CSMD2: variants seen among roughly 807,000 people sequenced by gnomAD.
The protein encoded by CSMD2 is CUB and Sushi multiple domains 2, also known as CUB and sushi domain-containing protein 2.
CSMD2 carries 130 observed loss-of-function variants against 398.5 expected under a neutral mutation model. The observed-to-expected ratio is 0.33, with a 90% CI of 0.28 to 0.38. CSMD2 has a LOEUF of 0.38. CSMD2 is among the 10% of genes least tolerant of loss of function. The probability of loss-of-function intolerance (pLI) is 1.00; values close to 1 mark genes in which losing one functional copy is unlikely to be tolerated. For missense variants in CSMD2, 3,829 were observed against 4,764.9 expected (o/e 0.80, Z 5.78); for synonymous variants, 1,828 against 1,908.5 (o/e 0.96, Z 1.10).
chr1:33,836,648 A>G (rs951155534), intron 6 of CSMD2, among the ~76,000 whole-genome samples: 2 of 152,136 alleles, frequency 1.3e-5, no homozygotes, highest in Non-Finnish European at 2.9e-5. Context: ...CCGTGGGTGT[A>G]GGACCCTCTG....
chr1:34,129,142 T>G (rs1663066233), intron 1 of CSMD2, among the ~76,000 whole-genome samples: 1 of 151,990 alleles, frequency 6.6e-6, no homozygotes, highest in Non-Finnish European at 1.5e-5. Context: ...CTCCCTCCAC[T>G]AGGGTATCAG....
In CSMD2 at chr1:33,716,299, G is replaced by A. The variant is rs1158577088; in HGVS notation, c.3204C>T (p.Asn1068=). 1.2e-6 allele frequency: 2 copies of A among 1,613,920 alleles called. No individual in the cohort carries two copies. Among genetic ancestry groups the A allele is most frequent in the Admixed American group, 3.3e-5 (2 of 60,026 alleles). The change falls in exon 20 of 71, where the codon AAC becomes AAT. Residue 1068 remains asparagine, a synonymous_variant. Transcript: ENST00000373381. The part of the protein sequence containing the change: ...SDFSMSYEGF[N]ITFSEYDLEP... ...CATACTCTTTACCTGAGAAGGTGAT[G>A]TTGAATCCTTCATATGACATGGAGA...
intron 11 of CSMD2, among the ~76,000 whole-genome samples, chr1:33,791,265 C>G (rs1475017480): frequency 6.6e-6 from 1 of 152,228 alleles, no homozygotes; most frequent in Non-Finnish European, 1.5e-5. Context: ...TCAACCTTCT[C>G]TGAAACCTTT....
rs1654479166 is a variant in CSMD2 at position 33,523,351 on chromosome 1, A to G, written c.10465T>C (p.Phe3489Leu). The change falls in exon 67 of 71, where the codon TTT becomes CTT. Residue 3489 changes from phenylalanine to leucine, a missense_variant. Coordinates refer to ENST00000373381, the MANE Select transcript of CSMD2 (RefSeq NM_001281956.2). Reference sequence around the variant, plus strand: ...TGATCATCTTTGAACTTATTCATAAAGATCTCCACAGGCCCTGTAATCTGG... The same window carrying G: ...TGATCATCTTTGAACTTATTCATAAGGATCTCCACAGGCCCTGTAATCTGG... ...VYQITGPVEI[F>L]MNKFKDDHWA... The G allele has an allele frequency of 6.2e-7, 1 of 1,602,698 alleles. No individual in the cohort carries two copies. Among genetic ancestry groups the G allele is most frequent in the African/African-American group, 1.3e-5 (1 of 74,690 alleles).
chr1:33,970,379 C>T (rs1363785634), intron 3 of CSMD2, among the ~76,000 whole-genome samples: 1 of 152,160 alleles, frequency 6.6e-6, no homozygotes, highest in Non-Finnish European at 1.5e-5. Context: ...TGTCCGCAAT[C>T]GCTAATCCCA....
intron 10 of CSMD2, among the ~76,000 whole-genome samples, chr1:33,807,096 A>G (rs1656315398): frequency 6.6e-6 from 1 of 152,236 alleles, no homozygotes; most frequent in Non-Finnish European, 1.5e-5. Flanking sequence ...AGACAGTAAG[A>G]GCAGCCAGAA....
intron 3 of CSMD2, among the ~76,000 whole-genome samples, chr1:33,981,800 T>C (rs563868147): frequency 2.0e-4 from 31 of 152,176 alleles, no homozygotes; most frequent in Non-Finnish European, 7.3e-5. Flanking sequence ...ACAATGAGTC[T>C]GGAGCTGAGA....
intron 3 of CSMD2, among the ~76,000 whole-genome samples, chr1:33,979,970 G>A (rs1646109259): frequency 6.6e-6 from 1 of 152,160 alleles, no homozygotes; most frequent in African/African-American, 2.4e-5. Flanking sequence ...GTCTGTGTAA[G>A]TCTGGGTTCT....
In CSMD2 at chr1:33,726,732, A is replaced by G. The variant is rs200494345; in HGVS notation, c.2369-47T>C. The stretch of plus-strand genomic sequence containing the variant: ...AGGCAGCTTTCTTCAGGGACAAATG[A>G]GTAAACAAACAGAAAATCTCTCTAT... On this transcript the variant is annotated intron_variant, in intron 15 of 70. Coordinates refer to ENST00000373381, the MANE Select transcript of CSMD2 (RefSeq NM_001281956.2). The G allele has an allele frequency of 7.7e-6, 12 of 1,564,204 alleles. No homozygotes were observed. In the East Asian group the frequency reaches 2.3e-4, roughly 29 times the overall value.
intron 1 of CSMD2, among the ~76,000 whole-genome samples, chr1:34,106,371 T>G (rs904310295): frequency 6.6e-6 from 1 of 152,204 alleles, no homozygotes; most frequent in Non-Finnish European, 1.5e-5. Context: ...ATGACCCTTT[T>G]GAAATGGCTG....
At chr1:33,552,749 A>C (rs891627723) in intron 55 of CSMD2, among the ~76,000 whole-genome samples, 7 of 152,210 alleles carry the variant, frequency 4.6e-5, no homozygotes, top group African/African-American at 1.7e-4. Context: ...AGAGACAGAA[A>C]AGTACATTAG....
intron 5 of CSMD2, among the ~76,000 whole-genome samples, chr1:33,875,090 C>T (rs570959428): frequency 6.6e-6 from 1 of 152,192 alleles, no homozygotes; most frequent in East Asian, 1.9e-4. Context: ...CCACTCCCAC[C>T]CCTCTATGCT....
chr1:33,541,192 C>T lies in CSMD2; in HGVS notation c.9395G>A (p.Arg3132Lys), dbSNP rs377226303. 1.2e-6 allele frequency: 2 copies of T among 1,614,140 alleles called. No homozygotes were observed. The highest frequency in any genetic ancestry group is 3.3e-5 in the Admixed American group (2 of 60,018). ...CVPGYMMESH[R>K]VSVLSCTKDR... ...CTTGGTGCAGCTCAGCACAGATACT[C>T]TATGTGACTCCATCATATAGCCAGG... The change falls in exon 59 of 71, where the codon AGA (arginine) becomes AAA (lysine). Residue 3132 changes from arginine (R) to lysine (K), a missense_variant. Arg to Lys is a conservative substitution (Grantham distance 26). Coordinates refer to ENST00000373381, the MANE Select transcript of CSMD2 (RefSeq NM_001281956.2).
chr1:34,002,091 G>A (rs1424056810), intron 3 of CSMD2, among the ~76,000 whole-genome samples: 1 of 152,034 alleles, frequency 6.6e-6, no homozygotes, highest in Non-Finnish European at 1.5e-5. Context: ...ATAAAATGGT[G>A]GGTATGTAGC....
intron 13 of CSMD2, among the ~76,000 whole-genome samples, chr1:33,748,065 C>G (rs1647631494): frequency 6.6e-6 from 1 of 152,130 alleles, no homozygotes; most frequent in Admixed American, 6.5e-5. Flanking sequence ...TGGAAGGAGA[C>G]AGGGCTGATA....
At chr1:33,682,803 G>A (rs969968465) in intron 25 of CSMD2, among the ~76,000 whole-genome samples, 5 of 151,922 alleles carry the variant, frequency 3.3e-5, no homozygotes, top group Non-Finnish European at 7.4e-5. Context: ...CTAGAGCCCC[G>A]AATTACTTTG....
chr1:33,617,459 G>C (rs1228909798), intron 38 of CSMD2, 40 bp downstream of exon 38: 2 of 1,489,388 alleles, frequency 1.3e-6, no homozygotes, highest in Non-Finnish European at 1.9e-6. Flanking sequence ...CACATCTCAG[G>C]GGACACCTGT....
intron 1 of CSMD2, among the ~76,000 whole-genome samples, chr1:34,110,771 A>C (rs1180949857): frequency 6.6e-6 from 1 of 152,176 alleles, no homozygotes; most frequent in Non-Finnish European, 1.5e-5. Flanking sequence ...GAGGGAGAGG[A>C]TCCAAAAAAT....
At chr1:33,851,025 G>T (rs1638670354) in intron 5 of CSMD2, among the ~76,000 whole-genome samples, 1 of 152,182 alleles carries the variant, frequency 6.6e-6, no homozygotes, top group African/African-American at 2.4e-5. Flanking sequence ...TGACAACAGT[G>T]ACTGTGCAAG....
Sources: allele counts gnomAD v4.1 joint callset (sites outside exome capture counted in the v4.1 genomes callset), GRCh38; gene constraint gnomAD v4.1.1; transcripts MANE v1.5; gene names NCBI Gene and HGNC (gene_info 2026-07-23, HGNC 2026-07-21).